The following RPRD1B variants were observed in gnomAD, a reference collection of about 807,000 sequenced individuals.
RPRD1B encodes the protein regulation of nuclear pre-mRNA domain-containing protein 1B.
Under a neutral mutation model 41.5 loss-of-function variants are expected in RPRD1B, and 11 were observed. The ratio of observed to expected loss-of-function variants is 0.27; its 90% CI spans 0.17 to 0.44. The LOEUF is 0.44. Among genes scored for constraint, RPRD1B ranks in the 20% least tolerant of loss-of-function variants. The pLI is 1.00. For missense variants in RPRD1B, 248 were observed against 389.9 expected (o/e 0.64, Z 3.06); for synonymous variants, 158 against 155.6 (o/e 1.02, Z -0.12).
In RPRD1B at chr20:38,033,799, A is replaced by G. The variant is rs774577942; in HGVS notation, c.-149A>G. Reference sequence around the variant, plus strand: ...CGGGCGGCTGTTACTGCGGAGACCCATCCCCTCCCCCTTCTCGCACCCCTG... The same window carrying G: ...CGGGCGGCTGTTACTGCGGAGACCCGTCCCCTCCCCCTTCTCGCACCCCTG... On this transcript the variant is annotated 5_prime_UTR_variant, in exon 1 of 7. Coordinates refer to ENST00000373433, the MANE Select transcript of RPRD1B (RefSeq NM_021215.4). 58 of 744,046 alleles carry G rather than the reference A, an allele frequency of 7.8e-5. No homozygotes were observed. The highest frequency in any genetic ancestry group is 1.0e-4 in the Non-Finnish European group (49 of 476,102). The allele number at this position is 744,046 out of a possible 1,614,324, so 46.1% of individuals were successfully genotyped here.
chr20:38,033,917 C>A lies in RPRD1B; in HGVS notation c.-31C>A. 2 of 1,586,518 alleles carry A rather than the reference C, an allele frequency of 1.3e-6. No homozygotes were observed. Among genetic ancestry groups the A allele is most frequent in the Non-Finnish European group, 1.7e-6 (2 of 1,165,488 alleles). On this transcript the variant is annotated 5_prime_UTR_variant, in exon 1 of 7. Transcript: ENST00000373433. ...TTCCCGCCGCACTGGGCGGCCCAGGCCGCTCCCTGCCGGGCCTCACTGCCG... is the reference window on the plus strand; with the variant it reads ...TTCCCGCCGCACTGGGCGGCCCAGGACGCTCCCTGCCGGGCCTCACTGCCG...
At chr20:38,073,963 A>C (rs1012172310) in intron 6 of RPRD1B, among the ~76,000 whole-genome samples, 1 of 152,062 alleles carries the variant, frequency 6.6e-6, no homozygotes, top group African/African-American at 2.4e-5. Flanking sequence ...TGTAGTATTC[A>C]AGTCTGTCCT....
chr20:38,039,407 C>CTTTTTTTTTTTTTTTTTTTTTTTTT (rs1165738530), intron 1 of RPRD1B, among the ~76,000 whole-genome samples: 20 of 141,732 alleles, frequency 1.4e-4, no homozygotes, highest in African/African-American at 5.0e-4. Context: ...TACAAGAAAC[C>CTTTTTTTTTTTTTTTTTTTTTTTTT]TTTTTTTTTT....
At chr20:38,038,547 A>T (rs1277594106) in intron 1 of RPRD1B, among the ~76,000 whole-genome samples, 1 of 119,358 alleles carries the variant, frequency 8.4e-6, no homozygotes, top group Non-Finnish European at 1.6e-5. Context: ...CCCAGACTGG[A>T]GTGCAGTGGT....
At chr20:38,077,876 T>G (rs1172868426) in intron 6 of RPRD1B, among the ~76,000 whole-genome samples, 1 of 152,110 alleles carries the variant, frequency 6.6e-6, no homozygotes, top group Non-Finnish European at 1.5e-5. Flanking sequence ...TTCCTAGTTC[T>G]TCGAATATGG....
intron 6 of RPRD1B, among the ~76,000 whole-genome samples, chr20:38,078,411 T>A (rs936056033): frequency 6.6e-6 from 1 of 152,220 alleles, no homozygotes; most frequent in African/African-American, 2.4e-5. Flanking sequence ...GTTCACCATT[T>A]GTATCTCATG....
chr20:38,046,692 G>A (rs2074124681), intron 2 of RPRD1B, among the ~76,000 whole-genome samples: 1 of 152,154 alleles, frequency 6.6e-6, no homozygotes. Flanking sequence ...GTGGTTCCAG[G>A]CAAAGCAAAC....
chr20:38,040,030 G>A (rs140128715), intron 1 of RPRD1B, among the ~76,000 whole-genome samples: 64 of 152,174 alleles, frequency 4.2e-4, no homozygotes, highest in Non-Finnish European at 8.4e-4. Flanking sequence ...CACTGCGTCC[G>A]GCCAACTCAG....
chr20:38,044,396 C>T (rs1445421589), intron 2 of RPRD1B, among the ~76,000 whole-genome samples: 6 of 112,460 alleles, frequency 5.3e-5, no homozygotes, highest in South Asian at 5.8e-4. Flanking sequence ...TTTTTTGAGA[C>T]GGAGTCTCAC....
chr20:38,056,094 A>T (rs1039629867), intron 3 of RPRD1B, among the ~76,000 whole-genome samples: 25 of 152,144 alleles, frequency 1.6e-4, no homozygotes, highest in Non-Finnish European at 3.1e-4. Flanking sequence ...CATTAAGAAG[A>T]AGTGAAACTT....
intron 6 of RPRD1B, among the ~76,000 whole-genome samples, chr20:38,074,451 G>A (rs2074440671): frequency 6.6e-6 from 1 of 152,124 alleles, no homozygotes; most frequent in Non-Finnish European, 1.5e-5. Flanking sequence ...AACATGATTT[G>A]CCAACATTTG....
rs2074617460 is a variant in RPRD1B at position 38,092,284 on chromosome 20, A to T, written c.*2409A>T. ...TTAATTTAGGACTATTTAGAAGTAT[A>T]GGCTGTCGTTGGCGGCAGCAGTATA... On this transcript the variant is annotated 3_prime_UTR_variant, in exon 7 of 7. Transcript: ENST00000373433. 1 of 984,968 alleles carries T rather than the reference A, an allele frequency of 1.0e-6. No individual in the cohort carries two copies. 61.0% of individuals were successfully genotyped at this position (984,968 alleles called of 1,614,324 possible).
intron 1 of RPRD1B, 110 bp downstream of exon 1, chr20:38,034,208 C>A: frequency 1.6e-6 from 2 of 1,231,052 alleles, no homozygotes; most frequent in Non-Finnish European, 2.2e-6. Context: ...CAGGCCTGAT[C>A]GAGCTTCTGA....
chr20:38,058,360 T>C (rs2074264457), intron 4 of RPRD1B, among the ~76,000 whole-genome samples: 1 of 152,168 alleles, frequency 6.6e-6, no homozygotes, highest in Non-Finnish European at 1.5e-5. Flanking sequence ...TATGTTACGG[T>C]GTTGAGTTAG....
chr20:38,067,262 C>T (rs1342815230), intron 6 of RPRD1B, among the ~76,000 whole-genome samples: 1 of 152,200 alleles, frequency 6.6e-6, no homozygotes, highest in Non-Finnish European at 1.5e-5. Context: ...AACTTTGCTG[C>T]CCCGGGCTGC....
At chr20:38,071,844 A>G (rs941341621) in intron 6 of RPRD1B, among the ~76,000 whole-genome samples, 2 of 152,186 alleles carry the variant, frequency 1.3e-5, no homozygotes, top group Non-Finnish European at 2.9e-5. Context: ...TGTGTGTTCA[A>G]TTCCTTTGCC....
At chr20:38,060,958 C>A (rs577762429) in intron 5 of RPRD1B, among the ~76,000 whole-genome samples, 1 of 152,306 alleles carries the variant, frequency 6.6e-6, no homozygotes, top group Non-Finnish European at 1.5e-5. Context: ...AAAATACTTA[C>A]TACTAAAAGG....
At chr20:38,034,430 G>C (rs1490760435) in intron 1 of RPRD1B, among the ~76,000 whole-genome samples, 1 of 152,200 alleles carries the variant, frequency 6.6e-6, no homozygotes. Flanking sequence ...GTCGGGCCCA[G>C]TGCTGGGTAT....
At chr20:38,046,634 T>C (rs532016629) in intron 2 of RPRD1B, among the ~76,000 whole-genome samples, 1 of 152,264 alleles carries the variant, frequency 6.6e-6, no homozygotes, top group Non-Finnish European at 1.5e-5. Flanking sequence ...TAACTAAACA[T>C]ACCCCTGAAG....
Sources: allele counts gnomAD v4.1 joint callset (sites outside exome capture counted in the v4.1 genomes callset), GRCh38; gene constraint gnomAD v4.1.1; transcripts MANE v1.5; gene names NCBI Gene and HGNC (gene_info 2026-07-23, HGNC 2026-07-21).